The following BIN1 variants were observed in gnomAD, a reference collection of about 807,000 sequenced individuals.
The protein encoded by BIN1 is myc box-dependent-interacting protein 1.
A neutral mutation model predicts 82.0 loss-of-function variants in BIN1; 53 were observed. The observed-to-expected ratio is 0.65, with a 90% CI of 0.52 to 0.81. The LOEUF is 0.81. Ranked by LOEUF, BIN1 falls within the 40% of genes least tolerant of loss-of-function variation. The pLI, the probability that BIN1 is intolerant of heterozygous loss-of-function variation, is 0.00. For missense variants in BIN1, 642 were observed against 784.4 expected, an observed-to-expected ratio of 0.82 and a Z score of 2.17; for synonymous variants, 302 against 328.0, an observed-to-expected ratio of 0.92 and a Z score of 0.86.
intron 14 of BIN1, 117 bp from the exon 15 acceptor site, chr2:127,052,479 C>T (rs1255859414): frequency 9.2e-6 from 9 of 981,906 alleles, no homozygotes; most frequent in Non-Finnish European, 1.4e-5. Flanking sequence ...TTGGTGGGGG[C>T]AGGGTGGGTA....
At chr2:127,097,968 G>C (rs1250997583) in intron 1 of BIN1, among the ~76,000 whole-genome samples, 2 of 152,164 alleles carry the variant, frequency 1.3e-5, no homozygotes, top group Non-Finnish European at 2.9e-5. Context: ...CCTGACTGCT[G>C]GGGCCTGAGG....
intron 1 of BIN1, among the ~76,000 whole-genome samples, chr2:127,088,059 G>C (rs939073336): frequency 4.6e-5 from 7 of 152,138 alleles, no homozygotes; most frequent in African/African-American, 1.7e-4. Flanking sequence ...CCTTCCACCA[G>C]ACCCACCACT....
chr2:127,072,908 AGT>A, intron 2 of BIN1, among the ~76,000 whole-genome samples: 1 of 152,182 alleles, frequency 6.6e-6, no homozygotes, highest in African/African-American at 2.4e-5. Flanking sequence ...CGAGGATTAA[AGT>A]GTGTTCATGA....
Position 127,068,415 on chromosome 2 carries a change from C to CG in BIN1, c.520-161dup, listed in dbSNP as rs1216904010. The stretch of plus-strand genomic sequence containing the variant: ...GAGGCCGAGAGAATTAGGGGGAGCC[C>CG]GGGGGGTAAGGAAAGGGGGTGAACT... On this transcript the variant is annotated intron_variant, in intron 6 of 18. Transcript: ENST00000316724. The surrounding 1 kb of genome is among the most constrained non-coding windows in gnomAD (Gnocchi z 4.9). 6.7e-6 allele frequency among the ~76,000 whole-genome samples: 1 copy of CG among 149,762 alleles called. No homozygotes were observed. The highest frequency in any genetic ancestry group is 1.5e-5 in the Non-Finnish European group (1 of 67,474).
intron 1 of BIN1, among the ~76,000 whole-genome samples, chr2:127,105,793 G>GCAGCT (rs1558897733): frequency 6.6e-6 from 1 of 152,214 alleles, no homozygotes; most frequent in African/African-American, 2.4e-5. Flanking sequence ...GCCTCCACCC[G>GCAGCT]GCGGCCGCGC....
chr2:127,074,124 G>C (rs1177561624), intron 2 of BIN1, among the ~76,000 whole-genome samples: 1 of 152,024 alleles, frequency 6.6e-6, no homozygotes, highest in African/African-American at 2.4e-5. Flanking sequence ...GGCCCACTAG[G>C]CTTGGGGCTC....
At chr2:127,098,813 C>T (rs941435238) in intron 1 of BIN1, among the ~76,000 whole-genome samples, 10 of 152,374 alleles carry the variant, frequency 6.6e-5, no homozygotes, top group Non-Finnish European at 1.0e-4. Flanking sequence ...CAGGCCCCTG[C>T]AGAGGACCGA....
intron 1 of BIN1, among the ~76,000 whole-genome samples, chr2:127,095,292 A>G (rs1258333261): frequency 2.0e-5 from 3 of 152,198 alleles, no homozygotes; most frequent in African/African-American, 7.2e-5. Context: ...TATGCTTCTC[A>G]GGAGCACAGT....
At chr2:127,084,039 A>C (rs79155416) in intron 1 of BIN1, among the ~76,000 whole-genome samples, 1,555 of 152,296 alleles carry the variant, frequency 0.01, 28 homozygotes, top group African/African-American at 0.036. Flanking sequence ...CAAGGCAAAA[A>C]GTTGTTGAAA....
chr2:127,098,266 G>A (rs565095452), intron 1 of BIN1, among the ~76,000 whole-genome samples: 8 of 152,238 alleles, frequency 5.3e-5, no homozygotes, highest in African/African-American at 1.9e-4. Flanking sequence ...TGCAGGGAAC[G>A]GAAGGCCTGA....
At chr2:127,097,382 G>A (rs1364127673) in intron 1 of BIN1, among the ~76,000 whole-genome samples, 13 of 151,646 alleles carry the variant, frequency 8.6e-5, no homozygotes, top group African/African-American at 1.7e-4. Context: ...GCCCAGCAGC[G>A]TCAGCCCTCC....
intron 2 of BIN1, 63 bp from the exon 3 acceptor site, chr2:127,070,879 C>T (rs913777926): frequency 4.0e-6 from 6 of 1,518,068 alleles, no homozygotes; most frequent in South Asian, 1.2e-5. Context: ...CTGACCCTCT[C>T]CTTCCTGCCA....
In BIN1 at chr2:127,068,903, C is replaced by A. The variant is rs748783552; in HGVS notation, c.519+21G>T. 6.2e-7 allele frequency: 1 copy of A among 1,607,366 alleles called. No individual in the cohort carries two copies. Among genetic ancestry groups the A allele is most frequent in the Admixed American group, 1.7e-5 (1 of 60,018 alleles). ...TCTCAGCCCCCTGCAGACGCTGCCC[C>A]GACCCGCCTCCAGCCCTTACCTTGG... On this transcript the variant is annotated intron_variant, in intron 6 of 18. Transcript: ENST00000316724. The surrounding 1 kb of genome is among the most constrained non-coding windows in gnomAD (Gnocchi z 4.9).
chr2:127,079,795 T>G (rs529017797), intron 1 of BIN1, among the ~76,000 whole-genome samples: 1 of 152,368 alleles, frequency 6.6e-6, no homozygotes, highest in Non-Finnish European at 1.5e-5. Flanking sequence ...GCTGCTCATC[T>G]GAGCTGTGGG....
chr2:127,088,657 G>C (rs1678499861), intron 1 of BIN1, among the ~76,000 whole-genome samples: 1 of 151,762 alleles, frequency 6.6e-6, no homozygotes, highest in South Asian at 2.1e-4. Flanking sequence ...AGGATGCCTT[G>C]AGTTCAGGAG....
chr2:127,048,975 C>G (rs1320476178), intron 18 of BIN1, among the ~76,000 whole-genome samples: 1 of 152,246 alleles, frequency 6.6e-6, no homozygotes, highest in Non-Finnish European at 1.5e-5. Flanking sequence ...GGAGTGACAA[C>G]AAGTTACAAG....
At chr2:127,069,731 AACACACACACAC>A (rs3832046) in intron 5 of BIN1, among the ~76,000 whole-genome samples, 2 of 147,584 alleles carry the variant, frequency 1.4e-5, no homozygotes, top group African/African-American at 2.5e-5. Context: ...ACTCCGCAGC[AACACACACACAC>A]ACACACACAC....
chr2:127,059,270 CTGTGTGTG>C lies in BIN1; in HGVS notation c.858-123_858-116del, dbSNP rs140171337. 9 of 867,624 alleles carry C rather than the reference CTGTGTGTG, an allele frequency of 1.0e-5. No individual in the cohort carries two copies. The highest frequency in any genetic ancestry group is 2.3e-5 in the Admixed American group (1 of 43,536). The allele number at this position is 867,624 out of a possible 1,614,324, so 53.7% of individuals were successfully genotyped here. On this transcript the variant is annotated intron_variant, in intron 10 of 18. Transcript: ENST00000316724. The surrounding 1 kb of genome is among the most constrained non-coding windows in gnomAD (Gnocchi z 6.7). ...GGTGTGTGCATATGGAGGTGTGAAA[CTGTGTGTG>C]TGTGTGTGTGTGTGTATGTGAGAGA...
intron 12 of BIN1, among the ~76,000 whole-genome samples, chr2:127,056,778 C>T (rs1683730189): frequency 6.6e-6 from 1 of 152,220 alleles, no homozygotes; most frequent in Non-Finnish European, 1.5e-5. Flanking sequence ...TGGCAAGATG[C>T]GCTTCCAGCA....
Sources: allele counts gnomAD v4.1 joint callset (sites outside exome capture counted in the v4.1 genomes callset), GRCh38; gene constraint gnomAD v4.1.1; non-coding constraint Gnocchi (gnomAD v3.1); transcripts MANE v1.5; gene names NCBI Gene and HGNC (gene_info 2026-07-23, HGNC 2026-07-21).